The following MACROD2 variants were observed in gnomAD, a reference collection of about 807,000 sequenced individuals.
MACROD2 encodes the protein mono-ADP ribosylhydrolase 2.
MACROD2 carries 36 observed loss-of-function variants against 70.4 expected under a neutral mutation model. The observed-to-expected ratio is 0.51, with a 90% CI of 0.39 to 0.68. The LOEUF (loss-of-function observed/expected upper bound fraction) is 0.68, where lower values mean the gene tolerates loss of function less well. Among genes scored for constraint, MACROD2 ranks in the 30% least tolerant of loss-of-function variants. The probability of loss-of-function intolerance (pLI) is 0.00; values close to 1 mark genes in which losing one functional copy is unlikely to be tolerated. For missense variants in MACROD2, 496 were observed against 538.4 expected, an observed-to-expected ratio of 0.92 and a Z score of 0.78; for synonymous variants, 172 against 178.8, an observed-to-expected ratio of 0.96 and a Z score of 0.30.
At chr20:15,068,059 A>G (rs1172416851) in intron 5 of MACROD2, among the ~76,000 whole-genome samples, 1 of 152,180 alleles carries the variant, frequency 6.6e-6, no homozygotes, top group African/African-American at 2.4e-5. Flanking sequence ...TTTTTAAATA[A>G]CAAAAGTTAA....
intron 3 of MACROD2, among the ~76,000 whole-genome samples, chr20:14,318,075 T>G (rs1301037097): frequency 6.6e-6 from 1 of 152,198 alleles, no homozygotes; most frequent in African/African-American, 2.4e-5. Flanking sequence ...GATCCCCATA[T>G]TAAGGAAATT....
At chr20:15,774,834 T>C (rs2051694853) in intron 8 of MACROD2, among the ~76,000 whole-genome samples, 1 of 152,158 alleles carries the variant, frequency 6.6e-6, no homozygotes, top group African/African-American at 2.4e-5. Flanking sequence ...AATGACTTTC[T>C]AAGAACAATT....
At chr20:14,967,638 A>C (rs1034996302) in intron 5 of MACROD2, among the ~76,000 whole-genome samples, 1 of 152,172 alleles carries the variant, frequency 6.6e-6, no homozygotes, top group Non-Finnish European at 1.5e-5. Flanking sequence ...GTAATTTTTT[A>C]AATGATTAAT....
intron 8 of MACROD2, among the ~76,000 whole-genome samples, chr20:15,530,999 G>A (rs1044462456): frequency 7.0e-5 from 8 of 114,964 alleles, no homozygotes; most frequent in Admixed American, 1.7e-4. Context: ...AAATAACTTC[G>A]CTTTTTTTTT....
intron 11 of MACROD2, among the ~76,000 whole-genome samples, chr20:15,935,697 G>C (rs956600017): frequency 9.9e-5 from 15 of 151,970 alleles, no homozygotes; most frequent in Non-Finnish European, 1.8e-4. Flanking sequence ...ACATATCAAG[G>C]GTTCATTGTG....
chr20:15,583,298 G>T (rs2048552028), intron 8 of MACROD2, among the ~76,000 whole-genome samples: 1 of 152,154 alleles, frequency 6.6e-6, no homozygotes, highest in Non-Finnish European at 1.5e-5. Context: ...ACTACATAAA[G>T]AAATGTGAAA....
chr20:15,931,069 A>G (rs932498729), intron 10 of MACROD2, among the ~76,000 whole-genome samples: 12 of 152,212 alleles, frequency 7.9e-5, no homozygotes, highest in African/African-American at 2.9e-4. Context: ...AGGGAGACAG[A>G]GAAGCTGGCA....
At chr20:14,496,568 C>G (rs1255002479) in intron 4 of MACROD2, among the ~76,000 whole-genome samples, 1 of 152,256 alleles carries the variant, frequency 6.6e-6, no homozygotes, top group African/African-American at 2.4e-5. Context: ...GAATTTTCAT[C>G]TTTGAGCTAG....
At chr20:15,613,900 G>T (rs1179630385) in intron 8 of MACROD2, among the ~76,000 whole-genome samples, 2 of 152,230 alleles carry the variant, frequency 1.3e-5, no homozygotes, top group African/African-American at 4.8e-5. Context: ...ATGGATTGCT[G>T]ACCTGCTGCT....
intron 3 of MACROD2, among the ~76,000 whole-genome samples, chr20:14,471,054 A>G (rs149487863): frequency 5.9e-5 from 9 of 152,256 alleles, no homozygotes; most frequent in African/African-American, 2.2e-4. Flanking sequence ...CTGGTGGTGT[A>G]GGCACCTGAG....
Position 15,763,289 on chromosome 20 carries a change from A to G in MACROD2, c.646-99456A>G, listed in dbSNP as rs1047960984. On this transcript the variant is annotated intron_variant, in intron 8 of 17. Coordinates refer to ENST00000684519, the MANE Select transcript of MACROD2 (RefSeq NM_001351661.2). ...GCGCTCAGTGGCAGAACCACCCGAG[A>G]TGGTTTTGACTTTGAACAACATCAG... 9.3e-4 allele frequency among the ~76,000 whole-genome samples: 141 copies of G among 152,304 alleles called. 1 individual carries two copies. The highest frequency in any genetic ancestry group is 1.7e-3 in the Non-Finnish European group (114 of 68,004).
intron 5 of MACROD2, among the ~76,000 whole-genome samples, chr20:15,016,445 G>T (rs2075121928): frequency 6.6e-6 from 1 of 152,012 alleles, no homozygotes; most frequent in African/African-American, 2.4e-5. Flanking sequence ...GTTGGAATGT[G>T]ATCGCAATGT....
chr20:16,006,075 T>C (rs1415285910), intron 15 of MACROD2, among the ~76,000 whole-genome samples: 5 of 152,194 alleles, frequency 3.3e-5, no homozygotes, highest in Admixed American at 3.3e-4. Flanking sequence ...CCTGGAAGGC[T>C]AAGGGTAACC....
chr20:15,006,752 C>T (rs983011821), intron 5 of MACROD2, among the ~76,000 whole-genome samples: 2 of 152,100 alleles, frequency 1.3e-5, no homozygotes, highest in Non-Finnish European at 2.9e-5. Context: ...AGCGGGTCTT[C>T]CATTCTTCCT....
intron 8 of MACROD2, among the ~76,000 whole-genome samples, chr20:15,519,073 T>C (rs2047610280): frequency 1.4e-5 from 2 of 139,738 alleles, no homozygotes; most frequent in South Asian, 2.6e-4. Context: ...CTTCCTTCCT[T>C]CCTTCCTTCC....
At chr20:14,120,240 A>C (rs936477718) in intron 3 of MACROD2, among the ~76,000 whole-genome samples, 1 of 150,548 alleles carries the variant, frequency 6.6e-6, no homozygotes, top group Non-Finnish European at 1.5e-5. Context: ...AAAAAGAAGA[A>C]GACATTTATG....
chr20:15,354,565 T>A (rs900570543), intron 6 of MACROD2, among the ~76,000 whole-genome samples: 4 of 152,182 alleles, frequency 2.6e-5, no homozygotes, highest in Non-Finnish European at 5.9e-5. Context: ...GAAAACAATT[T>A]GACAACATGT....
intron 6 of MACROD2, among the ~76,000 whole-genome samples, chr20:15,425,774 TG>T (rs2046289355): frequency 6.6e-6 from 1 of 152,180 alleles, no homozygotes; most frequent in Non-Finnish European, 1.5e-5. Context: ...GCAAGACTGC[TG>T]TGTAAAAGTG....
intron 10 of MACROD2, among the ~76,000 whole-genome samples, chr20:15,903,563 C>A (rs2065097651): frequency 6.6e-6 from 1 of 152,146 alleles, no homozygotes; most frequent in African/African-American, 2.4e-5. Context: ...CCCCCAAAGT[C>A]TCTGATTCAG....
Sources: gnomAD v4.1 joint callset for allele counts (sites outside exome capture counted in the v4.1 genomes callset) on GRCh38, gnomAD v4.1.1 for gene constraint, MANE v1.5 for transcripts, NCBI Gene and HGNC (gene_info 2026-07-23, HGNC 2026-07-21) for gene names.